Variants in DAAM1 observed in about 807,000 individuals in gnomAD.
DAAM1 encodes dishevelled associated activator of morphogenesis 1.
A neutral mutation model predicts 130.0 loss-of-function variants in DAAM1; 52 were observed. The observed-to-expected ratio is 0.40, with a 90% CI of 0.32 to 0.50. The LOEUF (loss-of-function observed/expected upper bound fraction) is 0.50. DAAM1 is among the 20% of genes least tolerant of loss of function. The pLI is 0.61. For synonymous variants in DAAM1, 452 were observed against 444.5 expected, an observed-to-expected ratio of 1.02 and a Z score of -0.21; for missense variants, 1,134 against 1,303.8, an observed-to-expected ratio of 0.87 and a Z score of 2.01.
chr14:59,211,956 A>G (rs1230713017), intron 1 of DAAM1, among the ~76,000 whole-genome samples: 3 of 152,206 alleles, frequency 2.0e-5, no homozygotes, highest in Non-Finnish European at 2.9e-5. Context: ...TAAGAAATAT[A>G]AAACACTCCT....
chr14:59,367,881 C>G (rs1417032543), intron 24 of DAAM1, among the ~76,000 whole-genome samples: 1 of 152,094 alleles, frequency 6.6e-6, no homozygotes. Flanking sequence ...AAAAGGGCAG[C>G]ATTCTTTATA....
chr14:59,223,045 A>T (rs1263414816), intron 1 of DAAM1, among the ~76,000 whole-genome samples: 1 of 152,242 alleles, frequency 6.6e-6, no homozygotes, highest in Non-Finnish European at 1.5e-5. Flanking sequence ...GTGCAGAATC[A>T]TCTGCAAACT....
intron 1 of DAAM1, among the ~76,000 whole-genome samples, chr14:59,229,043 T>C (rs1472485843): frequency 6.6e-6 from 1 of 152,226 alleles, no homozygotes; most frequent in Non-Finnish European, 1.5e-5. Context: ...ATATTGTAGT[T>C]CTGATTAGCA....
intron 16 of DAAM1, among the ~76,000 whole-genome samples, chr14:59,344,947 A>G (rs11623633): frequency 0.42 from 60,528 of 143,976 alleles, 14,745 homozygotes; most frequent in East Asian, 0.85. Context: ...AGGACACAGA[A>G]CTAATTTTTT....
At chr14:59,238,559 A>G (rs1439157209) in intron 1 of DAAM1, among the ~76,000 whole-genome samples, 1 of 151,996 alleles carries the variant, frequency 6.6e-6, no homozygotes, top group Non-Finnish European at 1.5e-5. Flanking sequence ...TAGCACTTGT[A>G]CTTACTGTGA....
At chr14:59,361,674 C>T (rs1886707420) in intron 22 of DAAM1, among the ~76,000 whole-genome samples, 1 of 152,150 alleles carries the variant, frequency 6.6e-6, no homozygotes, top group Non-Finnish European at 1.5e-5. Flanking sequence ...GGCACAGTGC[C>T]CTGCGGGTAC....
chr14:59,326,868 A>G, intron 11 of DAAM1, 65 bp from the exon 12 acceptor site: 4 of 1,595,754 alleles, frequency 2.5e-6, no homozygotes, highest in Non-Finnish European at 3.4e-6. Flanking sequence ...GTACCTGGGG[A>G]GAATGCAGTT....
rs1196106427 is a variant in DAAM1 at position 59,331,298 on chromosome 14, TCCCCCACCA to T, written c.1659_1667del (p.Pro554_Pro556del). On this transcript the variant is annotated inframe_deletion, in exon 14 of 25. Transcript: ENST00000360909. ...CCTCTGTGCCTGGATCTCTCCTTCC[TCCCCCACCA>T]CCCCCACCTCTACCAGGTGGGATGC... 6 of 1,611,566 alleles carry T rather than the reference TCCCCCACCA, an allele frequency of 3.7e-6. No individual in the cohort carries two copies. Among genetic ancestry groups the T allele is most frequent in the Non-Finnish European group, 5.1e-6 (6 of 1,179,566 alleles).
intron 5 of DAAM1, among the ~76,000 whole-genome samples, chr14:59,320,879 GC>G (rs1034073304): frequency 3.3e-5 from 5 of 152,098 alleles, no homozygotes; most frequent in African/African-American, 1.2e-4. Context: ...AAATTGTGAA[GC>G]CACTTTGGAA....
At chr14:59,267,901 C>CG (rs1566675843) in intron 2 of DAAM1, among the ~76,000 whole-genome samples, 1 of 88,850 alleles carries the variant, frequency 1.1e-5, no homozygotes, top group African/African-American at 4.1e-5. Flanking sequence ...TACGCCCCCC[C>CG]CTTTTTTTTT....
At chr14:59,245,674 A>G (rs181987523) in intron 1 of DAAM1, among the ~76,000 whole-genome samples, 3 of 152,334 alleles carry the variant, frequency 2.0e-5, no homozygotes, top group African/African-American at 7.2e-5. Flanking sequence ...GTCACTAAGC[A>G]ATGAATTGGG....
At chr14:59,251,910 G>A (rs17095951) in intron 1 of DAAM1, among the ~76,000 whole-genome samples, 9,522 of 152,170 alleles carry the variant, frequency 0.063, 390 homozygotes, top group Non-Finnish European at 0.093. Flanking sequence ...TCAGCAGGAC[G>A]CATTAAGAAA....
At chr14:59,364,277 A>G (rs892557617) in intron 23 of DAAM1, among the ~76,000 whole-genome samples, 13 of 152,154 alleles carry the variant, frequency 8.5e-5, no homozygotes, top group African/African-American at 3.1e-4. Flanking sequence ...ATAAATCTCC[A>G]GCAGAACTCG....
chr14:59,330,983 T>G (rs748321791), intron 13 of DAAM1, among the ~76,000 whole-genome samples: 3 of 152,128 alleles, frequency 2.0e-5, no homozygotes, highest in Non-Finnish European at 2.9e-5. Context: ...GTGAGAGAGA[T>G]ATGAATGCAT....
chr14:59,297,392 T>C (rs1376383167), intron 3 of DAAM1, among the ~76,000 whole-genome samples: 4 of 152,336 alleles, frequency 2.6e-5, no homozygotes, highest in East Asian at 1.9e-4. Context: ...TGTGCGAGAA[T>C]GTTTTTGGCA....
At chr14:59,276,217 G>A (rs1882962367) in intron 2 of DAAM1, among the ~76,000 whole-genome samples, 1 of 152,138 alleles carries the variant, frequency 6.6e-6, no homozygotes, top group Non-Finnish European at 1.5e-5. Context: ...GCTGTAATGG[G>A]GCTGGATGTT....
chr14:59,368,319 T>C (rs1566513778), intron 24 of DAAM1, among the ~76,000 whole-genome samples: 1 of 152,212 alleles, frequency 6.6e-6, no homozygotes, highest in Non-Finnish European at 1.5e-5. Context: ...TTGGGGTCTA[T>C]GTAATAGTGA....
chr14:59,304,680 TA>T (rs1884308301), intron 3 of DAAM1, among the ~76,000 whole-genome samples: 1 of 152,240 alleles, frequency 6.6e-6, no homozygotes, highest in Non-Finnish European at 1.5e-5. Context: ...ATCTTCTAAC[TA>T]GTGCTTTTGT....
In DAAM1 at chr14:59,338,393, T is replaced by C. The variant is rs760649573; in HGVS notation, c.1969-1681T>C. The stretch of plus-strand genomic sequence containing the variant: ...CTCTGCCATGGCTGTAGGATTTCTT[T>C]GTGAACAGTAACTCCAAGCAGGTAA... On this transcript the variant is annotated intron_variant, in intron 15 of 24. Transcript: ENST00000360909. 5.1e-5 allele frequency: 82 copies of C among 1,613,694 alleles called. No individual in the cohort carries two copies. The highest frequency in any genetic ancestry group is 6.6e-5 in the Non-Finnish European group (78 of 1,179,810).
Sources: allele counts gnomAD v4.1 joint callset (sites outside exome capture counted in the v4.1 genomes callset), GRCh38; gene constraint gnomAD v4.1.1; transcripts MANE v1.5; gene names NCBI Gene and HGNC (gene_info 2026-07-23, HGNC 2026-07-21).